The following NUP133 variants were observed in gnomAD, a reference collection of about 807,000 sequenced individuals.
NUP133 encodes the protein nucleoporin 133, also known as nuclear pore complex protein Nup133.
Under a neutral mutation model 146.2 loss-of-function variants are expected in NUP133, and 66 were observed. That is an observed-to-expected ratio of 0.45 (90% confidence interval 0.37 to 0.55). NUP133 has a LOEUF of 0.55. Among genes scored for constraint, NUP133 ranks in the 20% least tolerant of loss-of-function variants. The probability of loss-of-function intolerance (pLI) is 0.00; values close to 1 mark genes in which losing one functional copy is unlikely to be tolerated. For synonymous variants in NUP133, 521 were observed against 498.8 expected (o/e 1.04, Z -0.59); for missense variants, 1,277 against 1,374.8 (o/e 0.93, Z 1.12).
At chr1:229,478,759 G>GTCTT (rs1661138725) in intron 12 of NUP133, among the ~76,000 whole-genome samples, 1 of 152,130 alleles carries the variant, frequency 6.6e-6, no homozygotes, top group Non-Finnish European at 1.5e-5. Context: ...AGAGGACACG[G>GTCTT]TCTTGTAAAC....
chr1:229,449,830 A>C (rs1335995341), intron 23 of NUP133, among the ~76,000 whole-genome samples: 2 of 142,836 alleles, frequency 1.4e-5, no homozygotes, highest in Non-Finnish European at 3.0e-5. Context: ...AGCTACTCTT[A>C]GGATGAATAC....
At chr1:229,506,253 GA>G in intron 1 of NUP133, 95 bp from the exon 2 acceptor site, 1 of 583,278 alleles carries the variant, frequency 1.7e-6, no homozygotes, top group Non-Finnish European at 3.0e-6. Context: ...GGAGTTCTTT[GA>G]AAAAAATTAA....
rs772340697 is a variant in NUP133 at position 229,458,191 on chromosome 1, A to C, written c.2950T>G (p.Ser984Ala). The C allele has an allele frequency of 6.2e-7, 1 of 1,613,298 alleles. No individual in the cohort carries two copies. The highest frequency in any genetic ancestry group is 1.7e-4 in the Middle Eastern group (1 of 6,056). ...ATTTTTTCTTGTAGCATATCCTCTG[A>C]AAAGTCTGAAGCTAATGCAGCCAAT... is the stretch of plus-strand genomic sequence containing the variant. ...SKLAALASDF[S>A]EDMLQEKIEE... The change falls in exon 21 of 26, where the codon TCA becomes GCA. Residue 984 changes from serine to alanine, a missense_variant. Physicochemically the swap from Ser to Ala is moderately conservative, Grantham distance 99. Coordinates refer to ENST00000261396, the MANE Select transcript of NUP133 (RefSeq NM_018230.3).
In NUP133 at chr1:229,487,531, T is replaced by C. The variant is rs778744777; in HGVS notation, c.1277A>G (p.Tyr426Cys). ...TTTCCCAGTTCCTGTGGAGCACACATAGACAGCACTTTCGTTATACAGATA... is the reference window on the plus strand; with the variant it reads ...TTTCCCAGTTCCTGTGGAGCACACACAGACAGCACTTTCGTTATACAGATA... ...TAYLYNESAV[Y>C]VCSTGTGKFS... is the part of the protein sequence containing the mutation. Residue 426 changes from tyrosine (Y) to cysteine (C), a missense_variant, in exon 10 of 26, where the codon TAT becomes TGT. By Grantham distance (194) the Tyr-to-Cys change is radical. Transcript: ENST00000261396. 14 of 1,613,840 alleles carry C rather than the reference T, an allele frequency of 8.7e-6. No homozygotes were observed. The highest frequency in any genetic ancestry group is 3.3e-5 in the South Asian group (3 of 91,026).
At chr1:229,485,631 C>CAAAA (rs1265634979) in intron 11 of NUP133, among the ~76,000 whole-genome samples, 1 of 151,968 alleles carries the variant, frequency 6.6e-6, no homozygotes, top group Admixed American at 6.6e-5. Flanking sequence ...TAAGGTAACC[C>CAAAA]AAAACCTCAT....
chr1:229,466,183 G>A (rs1043557120), intron 16 of NUP133, among the ~76,000 whole-genome samples: 7 of 152,076 alleles, frequency 4.6e-5, no homozygotes, highest in African/African-American at 1.7e-4. Context: ...TTAACAATAC[G>A]TTTGCAATCA....
At chr1:229,498,622 G>A (rs574953516) in intron 5 of NUP133, among the ~76,000 whole-genome samples, 197 of 152,018 alleles carry the variant, frequency 1.3e-3, no homozygotes, top group Middle Eastern at 6.8e-3. Context: ...TGGGCGTGGC[G>A]GTGCGCACCT....
At chr1:229,449,873 A>ATATATATATATATATATTTT (rs1261799272) in intron 23 of NUP133, among the ~76,000 whole-genome samples, 1 of 85,796 alleles carries the variant, frequency 1.2e-5, no homozygotes, top group African/African-American at 5.1e-5. Context: ...ATATATATAT[A>ATATATATATATATATATTTT]TTTTTTTTTT....
rs767139944 is a variant in NUP133, at chr1:229,477,654, C to G, written c.1699G>C (p.Asp567His). ...GATGCTGGGTAGTCATCCATCAGGT[C>G]TACACTGATTTGGGTAACTGCCCTG... Reference protein sequence around the residue: ...LDRAVTQISVDLMDDYPASDP... With the variant: ...LDRAVTQISVHLMDDYPASDP... The change falls in exon 13 of 26, where the codon GAC (aspartate) becomes CAC (histidine). Residue 567 changes from aspartate to histidine, a missense_variant. Asp to His is a moderately conservative substitution (Grantham distance 81, BLOSUM62 -1). Around this residue, in one of 3 missense-constraint regions of NUP133, gnomAD observed 952 missense variants for 1,047.0 expected, o/e 0.91. Coordinates refer to ENST00000261396, the MANE Select transcript of NUP133 (RefSeq NM_018230.3). The G allele has an allele frequency of 6.2e-7, 1 of 1,613,954 alleles. No individual in the cohort carries two copies. Among genetic ancestry groups the G allele is most frequent in the Non-Finnish European group, 8.5e-7 (1 of 1,179,920 alleles).
chr1:229,487,846 T>TC (rs1398906824), intron 9 of NUP133, among the ~76,000 whole-genome samples: 1 of 146,570 alleles, frequency 6.8e-6, no homozygotes, highest in Non-Finnish European at 1.5e-5. Context: ...TAATTTTTTT[T>TC]TTTTTTTTTT....
intron 12 of NUP133, among the ~76,000 whole-genome samples, chr1:229,480,747 C>T (rs780390827): frequency 2.2e-4 from 33 of 152,102 alleles, no homozygotes; most frequent in Admixed American, 3.9e-4. Flanking sequence ...AGTGCGGTGA[C>T]GGGATCTCGG....
At position 229,449,874 on chromosome 1, in the gene NUP133, T is replaced by TATATTTA. The variant is rs1491123491; in HGVS notation, c.3180+650_3180+651insTAAATAT. Among the ~76,000 whole-genome samples the TATATTTA allele has an allele frequency of 3.8e-5, 3 of 78,016 alleles. No homozygotes were observed. In the Admixed American group the frequency reaches 5.1e-4, roughly 13 times the overall value. 51.2% of individuals were successfully genotyped at this position (78,016 alleles called of 152,430 possible). ...TTTTATATATATATATATATATATATTTTTTTTTTTTTTTTTTTTTTTTTT... is the reference window on the plus strand; with the variant it reads ...TTTTATATATATATATATATATATATATATTTATTTTTTTTTTTTTTTTTTTTTTTTT... On this transcript the variant is annotated intron_variant, in intron 23 of 25. Transcript: ENST00000261396.
chr1:229,458,139 C>T (rs368033331), intron 21 of NUP133, 22 bp downstream of exon 21: 1 of 1,602,958 alleles, frequency 6.2e-7, no homozygotes, highest in Admixed American at 1.7e-5. Flanking sequence ...ATTTGTAAAT[C>T]CTTTTGCTCA....
At chr1:229,503,181 G>A (rs894105082) in intron 2 of NUP133, among the ~76,000 whole-genome samples, 3 of 152,120 alleles carry the variant, frequency 2.0e-5, no homozygotes, top group Non-Finnish European at 4.4e-5. Context: ...GGGAGGCTGA[G>A]GCAGGAGAAT....
intron 14 of NUP133, among the ~76,000 whole-genome samples, chr1:229,472,202 C>CCAG (rs1660971618): frequency 6.6e-6 from 1 of 151,996 alleles, no homozygotes; most frequent in African/African-American, 2.4e-5. Flanking sequence ...GCCTGTAGTC[C>CCAG]CAGCTACTTG....
intron 8 of NUP133, among the ~76,000 whole-genome samples, chr1:229,494,491 C>CT (rs1334944444): frequency 6.6e-6 from 1 of 152,132 alleles, no homozygotes; most frequent in Non-Finnish European, 1.5e-5. Context: ...AAAAAATAGT[C>CT]TTTAACTTCT....
chr1:229,473,904 AT>A (rs59081026), intron 14 of NUP133, among the ~76,000 whole-genome samples: 7,042 of 152,288 alleles, frequency 0.046, 441 homozygotes, highest in African/African-American at 0.12. Flanking sequence ...AGCCTGGGCG[AT>A]GGGAGTGAAA....
intron 7 of NUP133, 83 bp downstream of exon 7, chr1:229,495,809 A>C: frequency 8.2e-7 from 1 of 1,219,264 alleles, no homozygotes; most frequent in Admixed American, 2.4e-5. Context: ...AAATGTGTTG[A>C]AATAAATAAA....
chr1:229,466,852 G>T, intron 15 of NUP133, 96 bp from the exon 16 acceptor site: 1 of 1,155,394 alleles, frequency 8.7e-7, no homozygotes, highest in Non-Finnish European at 1.2e-6. Flanking sequence ...CATATCCTCA[G>T]ACCTATAGAT....
Sources: gnomAD v4.1 joint callset for allele counts (sites outside exome capture counted in the v4.1 genomes callset) on GRCh38, gnomAD v4.1.1 for gene constraint, gnomAD v4.1.1 regional missense constraint, MANE v1.5 for transcripts, NCBI Gene and HGNC (gene_info 2026-07-23, HGNC 2026-07-21) for gene names.